PROSER1: variants seen among roughly 807,000 people sequenced by gnomAD.
PROSER1 encodes the protein proline and serine-rich protein 1.
Under a neutral mutation model 71.8 loss-of-function variants are expected in PROSER1, and 36 were observed. The observed-to-expected ratio is 0.50, with a 90% CI of 0.38 to 0.66. PROSER1 has a LOEUF of 0.66. Among genes scored for constraint, PROSER1 ranks in the 30% least tolerant of loss-of-function variants. The probability of loss-of-function intolerance (pLI) is 0.00; values close to 1 mark genes in which losing one functional copy is unlikely to be tolerated. For synonymous variants in PROSER1, 490 were observed against 452.4 expected (o/e 1.08, Z -1.06); for missense variants, 1,107 against 1,135.0 (o/e 0.98, Z 0.35).
At chr13:39,031,488 A>C in intron 3 of PROSER1, 75 bp downstream of exon 3, 1 of 1,091,686 alleles carries the variant, frequency 9.2e-7, no homozygotes, top group Admixed American at 2.3e-5. Flanking sequence ...ATTACAACTG[A>C]AATAAATTAC....
chr13:39,034,094 A>C, intron 2 of PROSER1, 37 bp downstream of exon 2: 1 of 1,458,404 alleles, frequency 6.9e-7, no homozygotes, highest in Non-Finnish European at 9.3e-7. Context: ...CATTGGTATA[A>C]AAAGAAAGCT....
intron 4 of PROSER1, among the ~76,000 whole-genome samples, chr13:39,028,692 G>A (rs1253119175): frequency 6.6e-6 from 1 of 151,974 alleles, no homozygotes; most frequent in Non-Finnish European, 1.5e-5. Flanking sequence ...TTAATTTTGT[G>A]CTTTTATGGA....
At chr13:39,035,227 T>C (rs1226303384) in intron 1 of PROSER1, among the ~76,000 whole-genome samples, 1 of 152,198 alleles carries the variant, frequency 6.6e-6, no homozygotes, top group Non-Finnish European at 1.5e-5. Context: ...AGTTTTATTA[T>C]CAATGTAATA....
Position 39,017,509 on chromosome 13 carries a change from G to T in PROSER1, c.766C>A (p.Gln256Lys). ...EDLSNPSKPI[Q>K]NQTFSTPASQ... ...CAAATTTGCTACTTACTTTGATTCT[G>T]TATAGGTTTTGACGGATTCGAAAGG... is the stretch of plus-strand genomic sequence containing the variant. The change falls in exon 10 of 13, where the codon CAG (glutamine) becomes AAG (lysine). Residue 256 changes from glutamine (Q) to lysine (K), a missense_variant. Gln to Lys is a moderately conservative substitution (Grantham distance 53). Coordinates refer to ENST00000352251, the MANE Select transcript of PROSER1 (RefSeq NM_025138.5). 6.5e-7 allele frequency: 1 copy of T among 1,545,706 alleles called. No homozygotes were observed. The highest frequency in any genetic ancestry group is 8.9e-7 in the Non-Finnish European group (1 of 1,126,402).
chr13:39,012,837 T>C lies in PROSER1; in HGVS notation c.2415A>G (p.Ser805=). Residue 805 remains serine, a synonymous_variant, in exon 11 of 13, where the codon TCA becomes TCG. Transcript: ENST00000352251. ...TAGAGGGCGCCTGCAGCCCCGGGAATGAGGGAAGAGCAGGGGTAACGCTTG... is the reference window on the plus strand; with the variant it reads ...TAGAGGGCGCCTGCAGCCCCGGGAACGAGGGAAGAGCAGGGGTAACGCTTG... ...NTPSVTPALP[S]FPGLQAPSTV... The C allele has an allele frequency of 6.2e-7, 1 of 1,614,010 alleles. No individual in the cohort carries two copies. The highest frequency in any genetic ancestry group is 8.5e-7 in the Non-Finnish European group (1 of 1,180,020).
intron 11 of PROSER1, 67 bp from the exon 12 acceptor site, chr13:39,012,300 G>T: frequency 6.8e-7 from 1 of 1,471,576 alleles, no homozygotes; most frequent in Non-Finnish European, 9.4e-7. Context: ...TTCCATATTT[G>T]TCAAATACAA....
At position 39,013,672 on chromosome 13, in the gene PROSER1, G is replaced by A. The variant is rs1265837506; in HGVS notation, c.1580C>T (p.Pro527Leu). ...CAACCCTGGAGTGGAAGTCCTCTGT[G>A]GGGTAGGGATGGCTGATGGGGCATA... Reference protein sequence around the residue: ...KCYAPSAIPTPQRTSTPGLAL... With the variant: ...KCYAPSAIPTLQRTSTPGLAL... The change falls in exon 11 of 13, where the codon CCA becomes CTA. Residue 527 changes from proline (P) to leucine (L), a missense_variant. Physicochemically the swap from Pro to Leu is moderately conservative, Grantham distance 98. Coordinates refer to ENST00000352251, the MANE Select transcript of PROSER1 (RefSeq NM_025138.5). 2.5e-6 allele frequency: 4 copies of A among 1,614,174 alleles called. No individual in the cohort carries two copies. The highest frequency in any genetic ancestry group is 1.3e-5 in the African/African-American group (1 of 75,034).
In PROSER1 at chr13:39,023,110, T is replaced by C. The variant is rs757436285; in HGVS notation, c.585A>G (p.Pro195=). 2 of 1,613,114 alleles carry C rather than the reference T, an allele frequency of 1.2e-6. No individual in the cohort carries two copies. Among genetic ancestry groups the C allele is most frequent in the Admixed American group, 1.7e-5 (1 of 60,000 alleles). The change falls in exon 8 of 13, where the codon CCA becomes CCG. Residue 195 remains proline, a synonymous_variant. Transcript: ENST00000352251. ...GTATCGGATAAGGAACAGGTTTATGTGGATTATATGTTGAAGGAGGCTAAA... is the reference window on the plus strand; with the variant it reads ...GTATCGGATAAGGAACAGGTTTATGCGGATTATATGTTGAAGGAGGCTAAA... ...PSKPPPSTYN[P]HKPVPYPIPP... is the part of the protein sequence containing the mutation.
intron 8 of PROSER1, 110 bp from the exon 9 acceptor site, chr13:39,022,522 T>C (rs1870345126): frequency 1.4e-6 from 1 of 702,850 alleles, no homozygotes; most frequent in Non-Finnish European, 2.5e-6. Context: ...CAATTTATTA[T>C]AAAAACTCCT....
chr13:39,029,322 A>G lies in PROSER1; in HGVS notation c.234T>C (p.Thr78=). 1 of 1,553,788 alleles carries G rather than the reference A, an allele frequency of 6.4e-7. No individual in the cohort carries two copies. Among genetic ancestry groups the G allele is most frequent in the Non-Finnish European group, 8.6e-7 (1 of 1,157,714 alleles). Residue 78 remains threonine, a synonymous_variant, in exon 4 of 13, where the codon ACT becomes ACC. Transcript: ENST00000352251. ...GAGCAACTAGTTTGTCTTTACTGAA[A>G]GTGAAACAGTTGAGTATATTGACCA... ...TEVVNILNCF[T]FSKDKLVALE... is the part of the protein sequence containing the mutation.
At chr13:39,015,097 A>T (rs778926879) in intron 10 of PROSER1, among the ~76,000 whole-genome samples, 3 of 152,148 alleles carry the variant, frequency 2.0e-5, no homozygotes, top group Admixed American at 6.5e-5. Flanking sequence ...AGCTGTGTCT[A>T]ATTCATCTTT....
In PROSER1 at chr13:39,011,451, G is replaced by T. The variant is rs369223775; in HGVS notation, c.2749C>A (p.Gln917Lys). 4 of 1,613,944 alleles carry T rather than the reference G, an allele frequency of 2.5e-6. No homozygotes were observed. Among genetic ancestry groups the T allele is most frequent in the Non-Finnish European group, 3.4e-6 (4 of 1,179,960 alleles). Residue 917 changes from glutamine to lysine, a missense_variant, in exon 13 of 13, where the codon CAG becomes AAG. Transcript: ENST00000352251. ...SASALESYPAQPDGFPSYPSA... is the reference protein window; with the variant it reads ...SASALESYPAKPDGFPSYPSA... ...GGATAACTAGGAAACCCATCAGGCT[G>T]AGCTGGATAGCTTTCCAGAGCCGAA...
chr13:39,032,591 C>T (rs984975372), intron 2 of PROSER1, among the ~76,000 whole-genome samples: 3 of 151,936 alleles, frequency 2.0e-5, no homozygotes, highest in South Asian at 2.1e-4. Flanking sequence ...AATTTTTACT[C>T]CTTATAAAGA....
At chr13:39,035,848 C>A (rs1466196195) in intron 1 of PROSER1, among the ~76,000 whole-genome samples, 1 of 152,136 alleles carries the variant, frequency 6.6e-6, no homozygotes, top group Non-Finnish European at 1.5e-5. Context: ...TTTAATAGAC[C>A]ATGACAATGT....
chr13:39,016,563 TACA>T (rs1375314233), intron 10 of PROSER1, among the ~76,000 whole-genome samples: 1 of 152,348 alleles, frequency 6.6e-6, no homozygotes, highest in East Asian at 1.9e-4. Context: ...CAATGGTACT[TACA>T]ACAACTAACC....
At chr13:39,033,164 C>A (rs932618229) in intron 2 of PROSER1, among the ~76,000 whole-genome samples, 5 of 152,196 alleles carry the variant, frequency 3.3e-5, no homozygotes, top group Non-Finnish European at 5.9e-5. Context: ...AAGTGATCCG[C>A]CTGCCTTGGC....
chr13:39,036,816 G>T (rs984539011), intron 1 of PROSER1, among the ~76,000 whole-genome samples: 2 of 152,088 alleles, frequency 1.3e-5, no homozygotes, highest in Admixed American at 1.3e-4. Context: ...TACCATAAAA[G>T]AAACTTTCTG....
chr13:39,017,794 C>A, intron 9 of PROSER1: 1 of 366,454 alleles, frequency 2.7e-6, no homozygotes, highest in South Asian at 3.6e-5. Context: ...CTTTTATCCC[C>A]TAGCATCTCT....
Position 39,034,165 on chromosome 13 carries a change from A to G in PROSER1, c.77T>C (p.Ile26Thr). The change falls in exon 2 of 13, where the codon ATT (isoleucine) becomes ACT (threonine). Residue 26 changes from isoleucine (I) to threonine (T), a missense_variant. Transcript: ENST00000352251. ...AGAAAAGTATCCATGCACATATTCAATTGCTTTTAATTTGTATTCTGTCAA... is the reference window on the plus strand; with the variant it reads ...AGAAAAGTATCCATGCACATATTCAGTTGCTTTTAATTTGTATTCTGTCAA... ...AVLTEYKLKAIEYVHGYFSSE... is the reference protein window; with the variant it reads ...AVLTEYKLKATEYVHGYFSSE... The G allele has an allele frequency of 6.3e-7, 1 of 1,588,054 alleles. No homozygotes were observed. Among genetic ancestry groups the G allele is most frequent in the African/African-American group, 1.4e-5 (1 of 73,084 alleles).
Sources: allele counts gnomAD v4.1 joint callset (sites outside exome capture counted in the v4.1 genomes callset), GRCh38; gene constraint gnomAD v4.1.1; transcripts MANE v1.5; gene names NCBI Gene and HGNC (gene_info 2026-07-23, HGNC 2026-07-21).